The following ADCY1 variants were observed in gnomAD, a reference collection of about 807,000 sequenced individuals.
ADCY1 encodes the protein adenylate cyclase 1.
A neutral mutation model predicts 105.4 loss-of-function variants in ADCY1; 28 were observed. The ratio of observed to expected loss-of-function variants is 0.27; its 90% CI spans 0.20 to 0.36. The LOEUF is 0.36. Ranked by LOEUF, ADCY1 falls within the 10% of genes least tolerant of loss-of-function variation. The pLI is 1.00. For synonymous variants in ADCY1, 655 were observed against 623.8 expected (o/e 1.05, Z -0.75); for missense variants, 977 against 1,434.2 (o/e 0.68, Z 5.15).
chr7:45,575,098 A>G lies in ADCY1; in HGVS notation c.555A>G (p.Ile185Met), dbSNP rs779732430. 4 of 1,612,648 alleles carry G rather than the reference A, an allele frequency of 2.5e-6. No homozygotes were observed. Among genetic ancestry groups the G allele is most frequent in the Admixed American group, 3.3e-5 (2 of 59,990 alleles). Residue 185 changes from isoleucine to methionine, a missense_variant, in exon 1 of 20, where the codon ATA becomes ATG. Transcript: ENST00000297323. The surrounding 1 kb of genome is among the most constrained non-coding windows in gnomAD (Gnocchi z 4.7). ...TGCCCGTGCGCAGCCTGCTGGCCAT[A>G]GGCTTTGGGCTCGTGGTGGCTGCGT... ...ALLPVRSLLA[I>M]GFGLVVAASH...
At chr7:45,680,620 T>C (rs1169587622) in intron 11 of ADCY1, 1 of 152,266 alleles carries the variant, frequency 6.6e-6, no homozygotes, top group Non-Finnish European at 1.5e-5. Context: ...TCTTGAGTTT[T>C]TAAATTAAAA....
At chr7:45,681,827 C>T (rs1319516192) in intron 11 of ADCY1, among the ~76,000 whole-genome samples, 2 of 152,128 alleles carry the variant, frequency 1.3e-5, no homozygotes, top group Admixed American at 6.5e-5. Context: ...CCTGAGTGGA[C>T]GCGGTGGGTC....
chr7:45,580,392 C>T (rs995280932), intron 1 of ADCY1, among the ~76,000 whole-genome samples: 10 of 152,158 alleles, frequency 6.6e-5, no homozygotes, highest in African/African-American at 1.2e-4. Flanking sequence ...CTGCAGCTGC[C>T]GGGGCCTCCC....
At chr7:45,711,910 A>T (rs185093225) in intron 19 of ADCY1, among the ~76,000 whole-genome samples, 1 of 97,426 alleles carries the variant, frequency 1.0e-5, no homozygotes, top group Admixed American at 1.2e-4. Flanking sequence ...TATTAAATAT[A>T]TAAATATATT....
chr7:45,694,115 T>TAAAAA (rs140981457), intron 14 of ADCY1, among the ~76,000 whole-genome samples: 7 of 115,424 alleles, frequency 6.1e-5, no homozygotes, highest in African/African-American at 1.6e-4. Context: ...TAGAGTATAA[T>TAAAAA]AAAAAAAAAA....
intron 3 of ADCY1, among the ~76,000 whole-genome samples, chr7:45,617,182 G>T (rs12111599): frequency 0.17 from 25,419 of 152,146 alleles, 2,445 homozygotes; most frequent in African/African-American, 0.27. Context: ...TTCAGGAAAT[G>T]TGGGCTATTT....
intron 2 of ADCY1, among the ~76,000 whole-genome samples, chr7:45,601,766 G>A (rs1793246745): frequency 1.3e-5 from 2 of 152,122 alleles, no homozygotes; most frequent in South Asian, 4.1e-4. Context: ...AGTGAACTCG[G>A]GATGAGAGGT....
intron 4 of ADCY1, among the ~76,000 whole-genome samples, chr7:45,631,676 A>G (rs1183714594): frequency 2.6e-5 from 4 of 152,230 alleles, no homozygotes; most frequent in Non-Finnish European, 5.9e-5. Context: ...AACATAGTGT[A>G]TTCATAATTT....
chr7:45,620,702 T>C (rs1187595816), intron 3 of ADCY1, among the ~76,000 whole-genome samples: 1 of 152,188 alleles, frequency 6.6e-6, no homozygotes, highest in Non-Finnish European at 1.5e-5. Context: ...AAACGAGTTA[T>C]CATCTACAAG....
At chr7:45,672,372 G>A (rs1182077739) in intron 8 of ADCY1, among the ~76,000 whole-genome samples, 1 of 152,032 alleles carries the variant, frequency 6.6e-6, no homozygotes, top group Non-Finnish European at 1.5e-5. Flanking sequence ...CAGGTAGAGT[G>A]ATTCTTCTTA....
chr7:45,684,943 C>G (rs1322585916), intron 11 of ADCY1, 36 bp from the exon 12 acceptor site: 4 of 1,574,274 alleles, frequency 2.5e-6, no homozygotes, highest in African/African-American at 1.4e-5. Context: ...CCTTGGTAAT[C>G]AGAGGGTATT....
At chr7:45,606,085 C>T (rs1446038502) in intron 2 of ADCY1, among the ~76,000 whole-genome samples, 1 of 152,184 alleles carries the variant, frequency 6.6e-6, no homozygotes, top group Non-Finnish European at 1.5e-5. Context: ...CTTCTTACTG[C>T]TGGGCAGGAG....
rs1010519623 is a variant in ADCY1 at position 45,591,094 on chromosome 7, T to C, written c.640-1665T>C. ...TTGTTTCCAGATTGCATGTGACCGT[T>C]GGTCCTAGGTTTGTTTTCCAGCCTC... On this transcript the variant is annotated intron_variant, in intron 1 of 19. Coordinates refer to ENST00000297323, the MANE Select transcript of ADCY1 (RefSeq NM_021116.4). This position sits in a 1 kb window ranked among gnomAD's most constrained non-coding sequence, Gnocchi z 4.1. 6.6e-6 allele frequency among the ~76,000 whole-genome samples: 1 copy of C among 152,202 alleles called. No homozygotes were observed. The highest frequency in any genetic ancestry group is 1.5e-5 in the Non-Finnish European group (1 of 68,032).
In ADCY1 at chr7:45,708,696, C is replaced by T. The variant is rs1405108165; in HGVS notation, c.2932+232C>T. Reference sequence around the variant, plus strand: ...GATTCATTGTCTAGCTCAGGAAACACATTAGAAATCTTGATTGTCCTGGAG... The same window carrying T: ...GATTCATTGTCTAGCTCAGGAAACATATTAGAAATCTTGATTGTCCTGGAG... On this transcript the variant is annotated intron_variant, in intron 18 of 19. Coordinates refer to ENST00000297323, the MANE Select transcript of ADCY1 (RefSeq NM_021116.4). This position sits in a 1 kb window ranked among gnomAD's most constrained non-coding sequence, Gnocchi z 4.7. 2.0e-5 allele frequency among the ~76,000 whole-genome samples: 3 copies of T among 152,236 alleles called. No homozygotes were observed. Among genetic ancestry groups the T allele is most frequent in the Admixed American group, 2.0e-4 (3 of 15,292 alleles).
chr7:45,671,470 T>C (rs548882846), intron 8 of ADCY1, among the ~76,000 whole-genome samples: 1 of 152,304 alleles, frequency 6.6e-6, no homozygotes, highest in African/African-American at 2.4e-5. Flanking sequence ...TGATGGGTCA[T>C]GTTTAGATTT....
At chr7:45,663,155 G>T (rs1764580306) in intron 8 of ADCY1, among the ~76,000 whole-genome samples, 1 of 152,216 alleles carries the variant, frequency 6.6e-6, no homozygotes, top group Non-Finnish European at 1.5e-5. Context: ...GTCACCCTCT[G>T]CAGGCGTCCA....
At chr7:45,698,955 A>G (rs768347551) in intron 14 of ADCY1, among the ~76,000 whole-genome samples, 28 of 152,212 alleles carry the variant, frequency 1.8e-4, no homozygotes, top group Non-Finnish European at 2.5e-4. Context: ...AAAAAACTGG[A>G]CAAAATAAAA....
chr7:45,706,460 C>A (rs925554346), intron 17 of ADCY1, among the ~76,000 whole-genome samples: 1 of 75,770 alleles, frequency 1.3e-5, no homozygotes, highest in South Asian at 4.2e-4. Flanking sequence ...GTCTCTTCAA[C>A]AAACAGTGCT....
chr7:45,596,611 G>A (rs1179807833), intron 2 of ADCY1, among the ~76,000 whole-genome samples: 1 of 152,222 alleles, frequency 6.6e-6, no homozygotes, highest in African/African-American at 2.4e-5. Context: ...CTGGTAGGAG[G>A]CGGTGGAATG....
Sources: gnomAD v4.1 joint callset for allele counts (sites outside exome capture counted in the v4.1 genomes callset) on GRCh38, gnomAD v4.1.1 for gene constraint, Gnocchi (gnomAD v3.1) non-coding constraint, MANE v1.5 for transcripts, NCBI Gene and HGNC (gene_info 2026-07-23, HGNC 2026-07-21) for gene names.